The following ERBB4 variants were observed in gnomAD, a reference collection of about 807,000 sequenced individuals.
ERBB4 encodes the protein erb-b2 receptor tyrosine kinase 4.
ERBB4 carries 42 observed loss-of-function variants against 158.0 expected under a neutral mutation model. The ratio of observed to expected loss-of-function variants is 0.27; its 90% CI spans 0.21 to 0.34. The LOEUF is 0.34. Ranked by LOEUF, ERBB4 falls within the 10% of genes least tolerant of loss-of-function variation. ERBB4 has a pLI of 1.00. For synonymous variants in ERBB4, 583 were observed against 558.7 expected, an observed-to-expected ratio of 1.04 and a Z score of -0.61; for missense variants, 1,333 against 1,624.1, an observed-to-expected ratio of 0.82 and a Z score of 3.08.
intron 4 of ERBB4, among the ~76,000 whole-genome samples, chr2:211,774,823 T>C (rs73985858): frequency 0.15 from 22,298 of 152,202 alleles, 1,841 homozygotes; most frequent in South Asian, 0.33. Flanking sequence ...TGTTAACTGT[T>C]AGTGGGTTAT....
intron 1 of ERBB4, among the ~76,000 whole-genome samples, chr2:212,140,684 A>G (rs74343173): frequency 0.028 from 4,286 of 151,296 alleles, 143 homozygotes; most frequent in African/African-American, 0.078. Context: ...TTTATTTTTG[A>G]TGTAAACAGT....
intron 2 of ERBB4, among the ~76,000 whole-genome samples, chr2:212,053,293 A>G (rs1383641351): frequency 6.6e-6 from 1 of 152,190 alleles, no homozygotes. Flanking sequence ...TTTCCAAATA[A>G]TAAATCAGAA....
intron 2 of ERBB4, among the ~76,000 whole-genome samples, chr2:211,955,421 C>T (rs2081000476): frequency 1.3e-5 from 2 of 152,120 alleles, no homozygotes; most frequent in South Asian, 4.2e-4. Context: ...AATAGTCCCC[C>T]TTCAGATCTC....
Position 212,497,468 on chromosome 2 carries a change from C to T in ERBB4, c.82+40981G>A, listed in dbSNP as rs373162431. Among the ~76,000 whole-genome samples, 31 of 152,158 alleles carry T rather than the reference C, an allele frequency of 2.0e-4. No individual in the cohort carries two copies. The East Asian group carries it at 2.3e-3, about 11-fold the overall frequency. On this transcript the variant is annotated intron_variant, in intron 1 of 27. Coordinates refer to ENST00000342788, the MANE Select transcript of ERBB4 (RefSeq NM_005235.3). ...TAACTTAGACACTAGCTGCTGAAGA[C>T]GTGACAGTGCAGTGATATAGGCAAT...
At chr2:211,434,070 A>G (rs1046115986) in intron 20 of ERBB4, among the ~76,000 whole-genome samples, 4 of 152,208 alleles carry the variant, frequency 2.6e-5, no homozygotes, top group Non-Finnish European at 5.9e-5. Context: ...GAAAGAGAAT[A>G]CACTGAGAAC....
At chr2:211,462,207 G>C (rs1465910712) in intron 20 of ERBB4, among the ~76,000 whole-genome samples, 2 of 151,764 alleles carry the variant, frequency 1.3e-5, no homozygotes, top group Non-Finnish European at 2.9e-5. Flanking sequence ...GGAGAAAGAG[G>C]GGCAGGGGTG....
chr2:211,522,979 G>C (rs1008441930), intron 20 of ERBB4, among the ~76,000 whole-genome samples: 15 of 151,384 alleles, frequency 9.9e-5, no homozygotes, highest in African/African-American at 3.4e-4. Context: ...GGTAACTTAA[G>C]AGTTTGGTGG....
intron 1 of ERBB4, among the ~76,000 whole-genome samples, chr2:212,242,240 T>C (rs1374166210): frequency 1.3e-5 from 2 of 151,966 alleles, no homozygotes; most frequent in East Asian, 3.9e-4. Flanking sequence ...AAAGCATTAA[T>C]ATTTAAAAGA....
At chr2:211,405,446 A>G (rs551790663) in intron 25 of ERBB4, among the ~76,000 whole-genome samples, 2 of 152,260 alleles carry the variant, frequency 1.3e-5, no homozygotes, top group Admixed American at 6.5e-5. Context: ...AATGTGTTGG[A>G]CATACCTTCC....
intron 19 of ERBB4, among the ~76,000 whole-genome samples, chr2:211,593,856 A>G (rs1275626128): frequency 6.6e-6 from 1 of 152,158 alleles, no homozygotes; most frequent in African/African-American, 2.4e-5. Flanking sequence ...AATTTGCCCA[A>G]ACTTACACCC....
chr2:212,149,668 T>G (rs2080807837), intron 1 of ERBB4, among the ~76,000 whole-genome samples: 1 of 152,158 alleles, frequency 6.6e-6, no homozygotes, highest in South Asian at 2.1e-4. Context: ...ACCCTTCCAT[T>G]AGCCCTGTTT....
rs1312012352 is a variant in ERBB4 at position 211,495,582 on chromosome 2, C to T, written c.2488-64482G>A. Among the ~76,000 whole-genome samples, 9 of 152,124 alleles carry T rather than the reference C, an allele frequency of 5.9e-5. No homozygotes were observed. The East Asian group carries it at 7.7e-4, about 13-fold the overall frequency. On this transcript the variant is annotated intron_variant, in intron 20 of 27. Transcript: ENST00000342788. ...TTGTAACCTCATAATATCACTGTTA[C>T]GCCTTGTCTGATATTTGAATCTCTC...
intron 9 of ERBB4, among the ~76,000 whole-genome samples, chr2:211,709,930 T>C (rs2073628329): frequency 1.3e-5 from 2 of 152,202 alleles, no homozygotes; most frequent in South Asian, 4.1e-4. Flanking sequence ...TTTTATTTCC[T>C]GGTACTTCTT....
intron 2 of ERBB4, among the ~76,000 whole-genome samples, chr2:212,073,910 T>C (rs1050792163): frequency 1.3e-5 from 2 of 152,022 alleles, no homozygotes; most frequent in Non-Finnish European, 2.9e-5. Context: ...AGGTAAGTTA[T>C]AGTCTAGGGC....
intron 19 of ERBB4, 105 bp from the exon 20 acceptor site, chr2:211,562,193 TACTC>T (rs2125722959): frequency 7.8e-6 from 7 of 895,086 alleles, no homozygotes; most frequent in East Asian, 2.5e-5. Context: ...AATGTACTCT[TACTC>T]AATGGAATCA....
intron 5 of ERBB4, among the ~76,000 whole-genome samples, chr2:211,741,770 A>G (rs2074807213): frequency 6.6e-6 from 1 of 152,176 alleles, no homozygotes; most frequent in Non-Finnish European, 1.5e-5. Flanking sequence ...TATACAGAGT[A>G]TTTTAAATAT....
At chr2:212,203,296 G>C (rs2082642487) in intron 1 of ERBB4, among the ~76,000 whole-genome samples, 1 of 152,118 alleles carries the variant, frequency 6.6e-6, no homozygotes, top group South Asian at 2.1e-4. Context: ...ACAGGTGTAA[G>C]AGGAAAGCAC....
rs1180007915 is a variant in ERBB4, at chr2:211,377,414, C to T, written c.*6201G>A. On this transcript the variant is annotated 3_prime_UTR_variant, in exon 28 of 28. Transcript: ENST00000342788. ...TTGTATATTTGCACAAATATAACCA[C>T]TTCTCATGATATAGGGAAAGCTCAC... 4.3e-6 allele frequency: 1 copy of T among 232,494 alleles called. No individual in the cohort carries two copies. The highest frequency in any genetic ancestry group is 6.1e-5 in the East Asian group (1 of 16,420). 14.4% of individuals were successfully genotyped at this position (232,494 alleles called of 1,614,324 possible). A position where few individuals can be genotyped will look rare whatever the true frequency, so the allele number is the denominator to read the frequency against.
At chr2:211,573,963 T>C (rs1444203341) in intron 19 of ERBB4, among the ~76,000 whole-genome samples, 2 of 152,252 alleles carry the variant, frequency 1.3e-5, no homozygotes, top group African/African-American at 2.4e-5. Flanking sequence ...ATGCAGATAC[T>C]TTTAATTCAT....
Sources: allele counts gnomAD v4.1 joint callset (sites outside exome capture counted in the v4.1 genomes callset), GRCh38; gene constraint gnomAD v4.1.1; transcripts MANE v1.5; gene names NCBI Gene and HGNC (gene_info 2026-07-23, HGNC 2026-07-21).